The following ADAMTSL1 variants were observed in gnomAD, a reference collection of about 807,000 sequenced individuals.
The protein encoded by ADAMTSL1 is ADAMTS like 1.
ADAMTSL1 carries 126 observed loss-of-function variants against 201.8 expected under a neutral mutation model. That is an observed-to-expected ratio of 0.62 (90% confidence interval 0.54 to 0.72). ADAMTSL1 has a LOEUF of 0.72. ADAMTSL1 is among the 30% of genes least tolerant of loss of function. The pLI is 0.00. For missense variants in ADAMTSL1, 2,679 were observed against 2,277.8 expected (o/e 1.18, Z -3.59); for synonymous variants, 1,121 against 903.4 (o/e 1.24, Z -4.32).
intron 2 of ADAMTSL1, among the ~76,000 whole-genome samples, chr9:18,429,859 G>A (rs951020933): frequency 1.6e-4 from 24 of 151,794 alleles, no homozygotes; most frequent in African/African-American, 4.8e-4. Flanking sequence ...GTGCTATGTC[G>A]GCTCACTGCA....
intron 1 of ADAMTSL1, among the ~76,000 whole-genome samples, chr9:18,019,277 T>C (rs1196026761): frequency 2.0e-5 from 3 of 152,062 alleles, no homozygotes; most frequent in Non-Finnish European, 2.9e-5. Flanking sequence ...GGGGGAAGGA[T>C]TGTTAAACGA....
At chr9:17,966,146 G>T (rs189910511) in intron 1 of ADAMTSL1, among the ~76,000 whole-genome samples, 4 of 152,112 alleles carry the variant, frequency 2.6e-5, no homozygotes, top group Admixed American at 6.6e-5. Flanking sequence ...ATTAAGAGAG[G>T]TCTGGGAAAC....
intron 2 of ADAMTSL1, chr9:18,360,797 A>G (rs1341911420): frequency 6.6e-6 from 1 of 152,204 alleles, no homozygotes; most frequent in Non-Finnish European, 1.5e-5. Context: ...GATTTCATTG[A>G]CAGGGGTCTC....
At chr9:18,215,147 CA>C (rs1830016690) in intron 2 of ADAMTSL1, among the ~76,000 whole-genome samples, 1 of 152,068 alleles carries the variant, frequency 6.6e-6, no homozygotes. Context: ...TATAGTTTAT[CA>C]TTTATGATTA....
chr9:18,905,569 A>G, intron 26 of ADAMTSL1: 1 of 548,414 alleles, frequency 1.8e-6, no homozygotes, highest in South Asian at 2.2e-5. Context: ...ATTTGCTGGC[A>G]GAATGCCCAC....
intron 14 of ADAMTSL1, among the ~76,000 whole-genome samples, chr9:18,707,754 A>G (rs1042704746): frequency 6.6e-5 from 10 of 152,252 alleles, no homozygotes; most frequent in Non-Finnish European, 1.3e-4. Context: ...CTCATTATGA[A>G]TATCAGTTAA....
intron 1 of ADAMTSL1, among the ~76,000 whole-genome samples, chr9:18,147,103 T>C (rs1330575980): frequency 6.6e-6 from 1 of 152,112 alleles, no homozygotes; most frequent in Non-Finnish European, 1.5e-5. Flanking sequence ...GAAAACACAG[T>C]CCCGTATTCA....
intron 2 of ADAMTSL1, among the ~76,000 whole-genome samples, chr9:18,214,890 A>C (rs1396257704): frequency 6.6e-6 from 1 of 152,168 alleles, no homozygotes; most frequent in Non-Finnish European, 1.5e-5. Flanking sequence ...CCCTGAATAC[A>C]CTTTCTGTAG....
intron 1 of ADAMTSL1, among the ~76,000 whole-genome samples, chr9:18,075,903 C>T (rs1008584585): frequency 6.6e-6 from 1 of 152,156 alleles, no homozygotes; most frequent in African/African-American, 2.4e-5. Flanking sequence ...AATACCAAGT[C>T]CCAAACCAGC....
intron 16 of ADAMTSL1, among the ~76,000 whole-genome samples, chr9:18,760,070 C>T (rs1477821425): frequency 6.6e-6 from 1 of 152,136 alleles, no homozygotes; most frequent in Non-Finnish European, 1.5e-5. Context: ...TAACACCAAG[C>T]TTAATACATA....
intron 17 of ADAMTSL1, among the ~76,000 whole-genome samples, chr9:18,773,605 C>G (rs529222498): frequency 6.6e-6 from 1 of 152,178 alleles, no homozygotes; most frequent in Non-Finnish European, 1.5e-5. Flanking sequence ...GGCTGGGTCT[C>G]CTCATCACCT....
intron 1 of ADAMTSL1, among the ~76,000 whole-genome samples, chr9:17,925,371 C>G (rs1320913543): frequency 8.4e-6 from 1 of 118,758 alleles, no homozygotes; most frequent in African/African-American, 2.9e-5. Context: ...ACCCATATGA[C>G]TATAAATCAT....
At chr9:18,205,259 A>G (rs1829602353) in intron 2 of ADAMTSL1, among the ~76,000 whole-genome samples, 1 of 152,216 alleles carries the variant, frequency 6.6e-6, no homozygotes, top group Non-Finnish European at 1.5e-5. Flanking sequence ...TATATACACT[A>G]TAATGCTCTT....
intron 1 of ADAMTSL1, among the ~76,000 whole-genome samples, chr9:18,137,501 C>G (rs1487686489): frequency 1.3e-5 from 2 of 152,078 alleles, no homozygotes; most frequent in Non-Finnish European, 2.9e-5. Flanking sequence ...AGTGGTTAAA[C>G]TTAAATCTCT....
chr9:18,524,808 A>T (rs1818929138), intron 2 of ADAMTSL1, among the ~76,000 whole-genome samples: 1 of 152,172 alleles, frequency 6.6e-6, no homozygotes, highest in Non-Finnish European at 1.5e-5. Context: ...ATCATGGTGG[A>T]CAAGCTTTTT....
Position 18,622,317 on chromosome 9 carries a change from C to T in ADAMTSL1, c.549C>T (p.Ser183=), listed in dbSNP as rs1160158147. 2 of 1,614,026 alleles carry T rather than the reference C, an allele frequency of 1.2e-6. No homozygotes were observed. Among genetic ancestry groups the T allele is most frequent in the South Asian group, 1.1e-5 (1 of 91,084 alleles). ...DNCGVCNGDG[S]TCRLVRGQYK... ...GTGGGGTCTGCAACGGAGATGGGTC[C>T]ACCTGCCGGCTGGTCCGAGGGCAGT... Residue 183 remains serine, a synonymous_variant, in exon 5 of 29, where the codon TCC becomes TCT. Coordinates refer to ENST00000380548, the MANE Select transcript of ADAMTSL1 (RefSeq NM_001040272.6).
At chr9:18,283,345 C>G (rs1413278871) in intron 2 of ADAMTSL1, among the ~76,000 whole-genome samples, 1 of 152,028 alleles carries the variant, frequency 6.6e-6, no homozygotes, top group South Asian at 2.1e-4. Flanking sequence ...TGGTTCATGA[C>G]TGTAATGCCA....
chr9:18,873,490 A>C (rs1369464726), intron 23 of ADAMTSL1, among the ~76,000 whole-genome samples: 1 of 152,096 alleles, frequency 6.6e-6, no homozygotes, highest in Admixed American at 6.5e-5. Flanking sequence ...GTGAGAGATG[A>C]GGATCCAGTT....
chr9:18,438,838 A>G (rs996646398), intron 2 of ADAMTSL1, among the ~76,000 whole-genome samples: 2 of 152,050 alleles, frequency 1.3e-5, no homozygotes, highest in Admixed American at 1.3e-4. Flanking sequence ...GGAGAGGCTC[A>G]TTGCACCACG....
Sources: gnomAD v4.1 joint callset for allele counts (sites outside exome capture counted in the v4.1 genomes callset) on GRCh38, gnomAD v4.1.1 for gene constraint, MANE v1.5 for transcripts, NCBI Gene and HGNC (gene_info 2026-07-23, HGNC 2026-07-21) for gene names.